POC5: variants seen among roughly 807,000 people sequenced by gnomAD.
The protein encoded by POC5 is centrosomal protein POC5.
A neutral mutation model predicts 62.9 loss-of-function variants in POC5; 48 were observed. The observed-to-expected ratio is 0.76, with a 90% CI of 0.61 to 0.97. The LOEUF (loss-of-function observed/expected upper bound fraction) is 0.97, where lower values mean the gene tolerates loss of function less well. Among genes scored for constraint, POC5 ranks in the 50% least tolerant of loss-of-function variants. The pLI is 0.00. For synonymous variants in POC5, 236 were observed against 228.2 expected (o/e 1.03, Z -0.31); for missense variants, 696 against 679.5 (o/e 1.02, Z -0.27).
At chr5:75,692,356 A>AGT in intron 7 of POC5, 40 bp downstream of exon 7, 2 of 1,395,284 alleles carry the variant, frequency 1.4e-6, no homozygotes, top group Non-Finnish European at 1.9e-6. Flanking sequence ...TGAATTCAGA[A>AGT]GTCTAACATC....
At chr5:75,695,687 AC>A (rs1561471796) in intron 5 of POC5, among the ~76,000 whole-genome samples, 1 of 152,088 alleles carries the variant, frequency 6.6e-6, no homozygotes, top group Non-Finnish European at 1.5e-5. Context: ...AAAAAAACAA[AC>A]AAAAAAAAGT....
chr5:75,679,634 A>G (rs1358964548), intron 10 of POC5, among the ~76,000 whole-genome samples: 1 of 152,154 alleles, frequency 6.6e-6, no homozygotes, highest in East Asian at 1.9e-4. Context: ...TAATTCTAAG[A>G]ACAAAACATT....
At chr5:75,711,474 CAAA>C (rs1028542773) in intron 2 of POC5, among the ~76,000 whole-genome samples, 2 of 152,144 alleles carry the variant, frequency 1.3e-5, no homozygotes, top group Admixed American at 6.5e-5. Flanking sequence ...AAGAGAGTAA[CAAA>C]AAAGTTCCTT....
chr5:75,689,031 A>G lies in POC5; in HGVS notation c.1110T>C (p.Phe370=). 2 of 1,576,880 alleles carry G rather than the reference A, an allele frequency of 1.3e-6. No individual in the cohort carries two copies. The highest frequency in any genetic ancestry group is 1.9e-5 in the Admixed American group (1 of 53,184). ...ACTAACCTGCATCATTTCTGTTTTG[A>G]AATATAGTCATGGCTTCAAGATTTA... ...CALNLEAMTI[F]QNRNDAGIDS... is the part of the protein sequence containing the mutation. The change falls in exon 9 of 12, where the codon TTT becomes TTC. Residue 370 remains phenylalanine, a synonymous_variant. Transcript: ENST00000428202.
intron 9 of POC5, among the ~76,000 whole-genome samples, chr5:75,687,277 A>G (rs954782800): frequency 1.3e-5 from 2 of 152,170 alleles, no homozygotes; most frequent in Non-Finnish European, 1.5e-5. Flanking sequence ...TGATCCACTC[A>G]CCTCGGCCTC....
intron 2 of POC5, chr5:75,709,621 A>G (rs560405031): frequency 1.3e-5 from 2 of 152,332 alleles, no homozygotes; most frequent in Middle Eastern, 3.4e-3. Flanking sequence ...TTTTACATTG[A>G]CAAAAGTAAC....
At chr5:75,694,869 C>T (rs376015445) in intron 5 of POC5, 38 bp from the exon 6 acceptor site, 40 of 1,342,042 alleles carry the variant, frequency 3.0e-5, no homozygotes, top group East Asian at 4.9e-5. Context: ...GTAGTTTGTT[C>T]GTTAATATCA....
chr5:75,690,255 T>C, intron 8 of POC5, 128 bp downstream of exon 8: 1 of 848,134 alleles, frequency 1.2e-6, no homozygotes, highest in Non-Finnish European at 1.8e-6. Flanking sequence ...AACACAAGAA[T>C]AAACGTTTTC....
chr5:75,702,556 A>C, intron 5 of POC5, 49 bp downstream of exon 5: 3 of 1,518,268 alleles, frequency 2.0e-6, no homozygotes, highest in Non-Finnish European at 2.7e-6. Context: ...GAGTAAAACT[A>C]TTACATTACA....
intron 1 of POC5, 80 bp from the exon 2 acceptor site, chr5:75,713,031 A>G (rs1191977893): frequency 1.0e-6 from 1 of 987,268 alleles, no homozygotes; most frequent in Non-Finnish European, 1.5e-6. Context: ...TAAGTGCAAC[A>G]GTATCCAAAT....
chr5:75,675,776 T>C (rs1775627902), intron 11 of POC5, among the ~76,000 whole-genome samples: 1 of 152,166 alleles, frequency 6.6e-6, no homozygotes. Context: ...AGAGGAACTG[T>C]AGAAATAAAG....
At position 75,707,814 on chromosome 5, in the gene POC5, G is replaced by A. The variant is rs1434352347; in HGVS notation, c.146C>T (p.Ser49Leu). ...IVTPNIEPCASQSSHPKGELV... is the reference protein window; with the variant it reads ...IVTPNIEPCALQSSHPKGELV... ...TTCTCCCTTAGGATGAGATGACTGT[G>A]AAGCACAGGGTTCAATATTTGGAGT... Residue 49 changes from serine to leucine, a missense_variant, in exon 3 of 12, where the codon TCA becomes TTA. Transcript: ENST00000428202. 1.2e-5 allele frequency: 19 copies of A among 1,585,280 alleles called. No homozygotes were observed. The highest frequency in any genetic ancestry group is 1.4e-5 in the Non-Finnish European group (16 of 1,162,064).
At chr5:75,696,016 A>C (rs1776561528) in intron 5 of POC5, 1 of 152,786 alleles carries the variant, frequency 6.5e-6, no homozygotes, top group Non-Finnish European at 1.5e-5. Context: ...GGCTTAAAAA[A>C]CGGCGCAACA....
chr5:75,712,767 A>C (rs1561484782), intron 2 of POC5, 87 bp downstream of exon 2: 1 of 1,074,672 alleles, frequency 9.3e-7, no homozygotes. Flanking sequence ...AAATGGATGA[A>C]AAAATTATTA....
rs1775881898 is a variant in POC5 at position 75,681,891 on chromosome 5, T to TA, written c.1407+3315dup. Among the ~76,000 whole-genome samples, 3 of 152,316 alleles carry TA rather than the reference T, an allele frequency of 2.0e-5. No homozygotes were observed. In the South Asian group the frequency reaches 6.2e-4, roughly 32 times the overall value. ...CAACAATGATGGTTTCACAGTAAGT[T>TA]AGCCAACTACTGGATTTATTCCTAC... is the stretch of plus-strand genomic sequence containing the variant. On this transcript the variant is annotated intron_variant, in intron 10 of 11. Coordinates refer to ENST00000428202, the MANE Select transcript of POC5 (RefSeq NM_001099271.2).
chr5:75,682,439 C>T (rs1775902497), intron 10 of POC5, among the ~76,000 whole-genome samples: 1 of 151,872 alleles, frequency 6.6e-6, no homozygotes, highest in Non-Finnish European at 1.5e-5. Context: ...TGCAGGATCA[C>T]ACTTCAAAAT....
rs1056871603 is a variant in POC5, at chr5:75,692,500, C to A, written c.691G>T (p.Val231Leu). 3 of 1,581,860 alleles carry A rather than the reference C, an allele frequency of 1.9e-6. No individual in the cohort carries two copies. Among genetic ancestry groups the A allele is most frequent in the Non-Finnish European group, 2.6e-6 (3 of 1,164,700 alleles). Reference protein sequence around the residue: ...FEISIGRKDEVISSLSHAIGK... With the variant: ...FEISIGRKDELISSLSHAIGK... ...ATGGCATGAGACAAGCTAGAAATCA[C>A]CTGTAAACAGCAATTAACCCAATTA... Residue 231 changes from valine to leucine, a missense_variant and splice_region_variant, in exon 7 of 12, where the codon GTG (valine) becomes TTG (leucine). Physicochemically the swap from Val to Leu is conservative, Grantham distance 32. Coordinates refer to ENST00000428202, the MANE Select transcript of POC5 (RefSeq NM_001099271.2).
At chr5:75,696,145 C>T (rs1056844778) in intron 5 of POC5, 12 of 160,694 alleles carry the variant, frequency 7.5e-5, no homozygotes, top group African/African-American at 1.2e-4. Flanking sequence ...GAGGGGCACC[C>T]GCCATTGCCC....
chr5:75,714,735 T>C (rs1777479974), intron 1 of POC5, among the ~76,000 whole-genome samples: 1 of 152,032 alleles, frequency 6.6e-6, no homozygotes, highest in South Asian at 2.1e-4. Context: ...TCTGAGGCAC[T>C]AGGGTAAAGC....
Sources: gnomAD v4.1 joint callset for allele counts (sites outside exome capture counted in the v4.1 genomes callset) on GRCh38, gnomAD v4.1.1 for gene constraint, MANE v1.5 for transcripts, NCBI Gene and HGNC (gene_info 2026-07-23, HGNC 2026-07-21) for gene names.